Variants in TIAM1 observed in about 807,000 individuals in gnomAD.
The protein encoded by TIAM1 is rho guanine nucleotide exchange factor TIAM1.
Under a neutral mutation model 163.5 loss-of-function variants are expected in TIAM1, and 65 were observed. The ratio of observed to expected loss-of-function variants is 0.40; its 90% CI spans 0.33 to 0.49. The LOEUF is 0.49. Ranked by LOEUF, TIAM1 falls within the 20% of genes least tolerant of loss-of-function variation. TIAM1 has a pLI of 0.77. For synonymous variants in TIAM1, 833 were observed against 810.1 expected, an observed-to-expected ratio of 1.03 and a Z score of -0.48; for missense variants, 1,789 against 2,044.7, an observed-to-expected ratio of 0.87 and a Z score of 2.41.
At position 31,154,359 on chromosome 21, in the gene TIAM1, G is replaced by T. The variant is rs1423334383; in HGVS notation, c.3059C>A (p.Ser1020Tyr). The change falls in exon 17 of 28, where the codon TCT (serine) becomes TAT (tyrosine). Residue 1020 changes from serine (S) to tyrosine (Y), a missense_variant. Around this residue, in one of 5 missense-constraint regions of TIAM1, gnomAD observed 303 missense variants for 321.3 expected, o/e 0.94. Transcript: ENST00000541036. ...HEMNPSDQSP[S>Y]PQDSTGPQLA... ...CTGAGGCCCCGTGGAGTCCTGAGGA[G>T]ATGGGCTCTGGTCAGAGGGGTTCAT... The T allele has an allele frequency of 5.6e-6, 9 of 1,614,230 alleles. No individual in the cohort carries two copies. In the East Asian group the frequency reaches 1.8e-4, roughly 32 times the overall value.
chr21:31,169,196 A>T (rs987290842), intron 15 of TIAM1, among the ~76,000 whole-genome samples: 5 of 152,198 alleles, frequency 3.3e-5, no homozygotes, highest in Admixed American at 6.5e-5. Context: ...TGGGAGGCTG[A>T]GGCAGGAGAA....
chr21:31,155,904 T>TG lies in TIAM1; in HGVS notation c.2992-1479dup, dbSNP rs528511380. 8.9e-4 allele frequency among the ~76,000 whole-genome samples: 136 copies of TG among 152,282 alleles called. 1 individual carries two copies. The highest frequency in any genetic ancestry group is 3.1e-3 in the African/African-American group (127 of 41,548). On this transcript the variant is annotated intron_variant, in intron 16 of 27. Coordinates refer to ENST00000541036, the MANE Select transcript of TIAM1 (RefSeq NM_001353694.2). ...ACAAAGCATTTCCAGTAAATACCGG[T>TG]GCAAATAAAGAATAACTTCTTCTAT...
Position 31,395,112 on chromosome 21 carries a change from C to T in TIAM1, c.-368-55690G>A, listed in dbSNP as rs865879354. On this transcript the variant is annotated intron_variant, in intron 2 of 28. Coordinates refer to the TIAM1 transcript ENST00000286827. The surrounding 1 kb of genome is among the most constrained non-coding windows in gnomAD (Gnocchi z 7.5). ...CATTAGCCAGGCATGGTGGCGCGTG[C>T]CTGTAGTCCCAGCTACTTGGGAGGC... Among the ~76,000 whole-genome samples the T allele has an allele frequency of 8.5e-5, 13 of 152,062 alleles. No homozygotes were observed. Among genetic ancestry groups the T allele is most frequent in the Middle Eastern group, 3.2e-3 (1 of 316 alleles).
At chr21:31,386,739 A>G (rs12482749) in intron 2 of TIAM1, among the ~76,000 whole-genome samples, 44,240 of 152,058 alleles carry the variant, frequency 0.29, 6,857 homozygotes, top group East Asian at 0.5. Context: ...TAGGGAGGGC[A>G]CGGGTGGAAG....
chr21:31,543,880 G>A (rs1404903182), intron 1 of TIAM1, among the ~76,000 whole-genome samples: 2 of 152,032 alleles, frequency 1.3e-5, no homozygotes, highest in East Asian at 3.9e-4. Flanking sequence ...TTAGCACTGA[G>A]GACATATCCA....
chr21:31,394,702 T>TCTCTCG (rs1235310978), intron 2 of TIAM1, among the ~76,000 whole-genome samples: 3 of 94,990 alleles, frequency 3.2e-5, no homozygotes, highest in African/African-American at 1.4e-4. Flanking sequence ...TCTCTCTCTC[T>TCTCTCG]CTCTCGCTCT....
At chr21:31,413,442 T>C (rs191926437) in intron 2 of TIAM1, among the ~76,000 whole-genome samples, 1 of 152,038 alleles carries the variant, frequency 6.6e-6, no homozygotes, top group East Asian at 1.9e-4. Context: ...GCTAATTTTT[T>C]TGTATTTGCA....
intron 1 of TIAM1, among the ~76,000 whole-genome samples, chr21:31,531,168 GTT>G (rs931417341): frequency 1.3e-5 from 2 of 152,126 alleles, no homozygotes; most frequent in African/African-American, 4.8e-5. Context: ...TTAGCAGACT[GTT>G]TACTCCCCCC....
rs570039180 is a variant in TIAM1, at chr21:31,444,845, A to G, written c.-369+19138T>C. On this transcript the variant is annotated intron_variant, in intron 2 of 28. Coordinates refer to the TIAM1 transcript ENST00000286827. ...GAAACCCCATCTATACTAAAAATAC[A>G]AAATTAGCAATGCATGGTCGCACAT... 2.6e-5 allele frequency among the ~76,000 whole-genome samples: 4 copies of G among 152,290 alleles called. No homozygotes were observed. The South Asian group carries it at 8.3e-4, about 32-fold the overall frequency.
At chr21:31,462,744 T>G (rs13047194) in intron 2 of TIAM1, among the ~76,000 whole-genome samples, 117,666 of 146,416 alleles carry the variant, frequency 0.8, 47,575 homozygotes, top group East Asian at 0.88. Context: ...TTGTTTTTTT[T>G]TTTTGTTTTT....
intron 2 of TIAM1, among the ~76,000 whole-genome samples, chr21:31,376,449 G>A (rs2076689425): frequency 6.6e-6 from 1 of 152,158 alleles, no homozygotes. Flanking sequence ...GACATACAGT[G>A]TTTAAAGCAA....
chr21:31,129,721 C>T (rs183699231), intron 25 of TIAM1, among the ~76,000 whole-genome samples: 4 of 152,232 alleles, frequency 2.6e-5, no homozygotes, highest in Admixed American at 2.6e-4. Flanking sequence ...AGCCTTCACA[C>T]TAACAGCAAA....
At chr21:31,162,348 G>A (rs531475543) in intron 16 of TIAM1, among the ~76,000 whole-genome samples, 2 of 152,142 alleles carry the variant, frequency 1.3e-5, no homozygotes, top group South Asian at 4.2e-4. Context: ...ATAACACACA[G>A]TAGAACCCAG....
intron 1 of TIAM1, among the ~76,000 whole-genome samples, chr21:31,533,292 G>A (rs191274583): frequency 6.6e-6 from 1 of 152,318 alleles, no homozygotes; most frequent in Admixed American, 6.5e-5. Flanking sequence ...CTGCACTCCA[G>A]CTTAGGCAAC....
At chr21:31,449,886 C>G (rs551726573) in intron 2 of TIAM1, among the ~76,000 whole-genome samples, 1 of 152,190 alleles carries the variant, frequency 6.6e-6, no homozygotes, top group East Asian at 1.9e-4. Context: ...AATGTTCACA[C>G]TGAGGCATAA....
intron 1 of TIAM1, among the ~76,000 whole-genome samples, chr21:31,529,313 T>C (rs1231962877): frequency 6.6e-6 from 1 of 152,098 alleles, no homozygotes; most frequent in Non-Finnish European, 1.5e-5. Context: ...AAGCCCTCCA[T>C]CCTATTAGGT....
chr21:31,217,629 C>T lies in TIAM1; in HGVS notation c.2066G>A (p.Arg689Gln), dbSNP rs767998110. 8.2e-5 allele frequency: 133 copies of T among 1,614,148 alleles called. No individual in the cohort carries two copies. The Middle Eastern group carries it at 8.2e-4, about 10-fold the overall frequency. Residue 689 changes from arginine to glutamine, a missense_variant, in exon 9 of 28, where the codon CGA (arginine) becomes CAA (glutamine). Arg to Gln is a conservative substitution (Grantham distance 43). Around this residue, in one of 5 missense-constraint regions of TIAM1, gnomAD observed 456 missense variants for 586.6 expected, o/e 0.78. Transcript: ENST00000541036. ...CCACAGAGAAGAAAACCTGCTCCTT[C>T]GCTTGCTCGCGGATCTGGACATGGC... ...TQAMSRSASK[R>Q]RSRFSSLWGL...
chr21:31,410,602 TGA>T (rs1426856818), intron 2 of TIAM1, among the ~76,000 whole-genome samples: 2 of 151,846 alleles, frequency 1.3e-5, no homozygotes, highest in African/African-American at 2.4e-5. Flanking sequence ...TGAGACTGTG[TGA>T]GAGTGAATTG....
intron 8 of TIAM1, among the ~76,000 whole-genome samples, chr21:31,222,694 TATATATATATATA>T (rs1210279322): frequency 1.2e-3 from 44 of 38,122 alleles, no homozygotes; most frequent in African/African-American, 3.1e-3. Flanking sequence ...TATATATATA[TATATATATATATA>T]TTTTTTTTTT....
Sources: gnomAD v4.1 joint callset for allele counts (sites outside exome capture counted in the v4.1 genomes callset) on GRCh38, gnomAD v4.1.1 for gene constraint, gnomAD v4.1.1 regional missense constraint, Gnocchi (gnomAD v3.1) non-coding constraint, MANE v1.5 for transcripts, NCBI Gene and HGNC (gene_info 2026-07-23, HGNC 2026-07-21) for gene names.